Variants in THOC2 observed in about 807,000 individuals in gnomAD.
THOC2 encodes the protein THO complex 2.
A neutral mutation model predicts 128.4 loss-of-function variants in THOC2; 10 were observed. The ratio of observed to expected loss-of-function variants is 0.08; its 90% CI spans 0.05 to 0.13. THOC2 has a LOEUF of 0.13. Ranked by LOEUF, THOC2 falls within the 10% of genes least tolerant of loss-of-function variation. The probability of loss-of-function intolerance (pLI) is 1.00; values close to 1 mark genes in which losing one functional copy is unlikely to be tolerated. For missense variants in THOC2, 535 were observed against 1,155.7 expected, an observed-to-expected ratio of 0.46 and a Z score of 7.79; for synonymous variants, 393 against 396.9, an observed-to-expected ratio of 0.99 and a Z score of 0.12.
chrX:123,691,000 T>A (rs2050199077), intron 7 of THOC2, among the ~76,000 whole-genome samples: 1 of 111,777 alleles, frequency 8.9e-6, no homozygotes, highest in Non-Finnish European at 1.9e-5. Context: ...TAGCTTGAGC[T>A]CAGGAGTTCG....
intron 8 of THOC2, among the ~76,000 whole-genome samples, chrX:123,685,385 T>C (rs968611052): frequency 1.8e-5 from 2 of 112,068 alleles, no homozygotes; most frequent in Non-Finnish European, 3.8e-5. Flanking sequence ...TCTGCATGGG[T>C]AAAGAGTCAG....
intron 9 of THOC2, among the ~76,000 whole-genome samples, chrX:123,670,340 T>G: frequency 8.9e-6 from 1 of 112,804 alleles, no homozygotes; most frequent in Admixed American, 9.4e-5. Flanking sequence ...CTGCCTTGGC[T>G]GGGCATGGTG....
intron 8 of THOC2, among the ~76,000 whole-genome samples, chrX:123,680,486 T>C (rs982740547): frequency 9.1e-6 from 1 of 110,096 alleles, no homozygotes; most frequent in African/African-American, 3.3e-5. Context: ...GAGGCCGGCA[T>C]GGATCCTCCG....
rs759541731 is a variant in THOC2 at position 123,655,339 on chromosome X, C to A, written c.1387-9964G>T. ...GGAATGAAGCAGAATCAGACTCCCC[C>A]TCCTGTAATAGCTGACAAAAAAACA... On this transcript the variant is annotated intron_variant, in intron 12 of 38. Transcript: ENST00000245838. 9.8e-5 allele frequency among the ~76,000 whole-genome samples: 11 copies of A among 111,719 alleles called. No individual in the cohort carries two copies. In the South Asian group the frequency reaches 3.7e-3, roughly 38 times the overall value.
chrX:123,629,079 G>A (rs2047371939), intron 22 of THOC2, among the ~76,000 whole-genome samples: 1 of 108,845 alleles, frequency 9.2e-6, no homozygotes, highest in African/African-American at 3.4e-5. Context: ...TACAATGGGA[G>A]GGGCTGCAGA....
At chrX:123,726,512 CA>C (rs567231605) in intron 1 of THOC2, among the ~76,000 whole-genome samples, 920 of 52,566 alleles carry the variant, frequency 0.018, 18 homozygotes, top group African/African-American at 0.045. Context: ...GACCCTGTCT[CA>C]AAAAAAAAAA....
At chrX:123,719,630 C>T (rs1238180830) in intron 1 of THOC2, among the ~76,000 whole-genome samples, 1 of 107,003 alleles carries the variant, frequency 9.3e-6, no homozygotes, top group African/African-American at 3.4e-5. Context: ...AACATATTTC[C>T]AAAATAAAAG....
At chrX:123,706,480 C>A (rs2050933569) in intron 3 of THOC2, among the ~76,000 whole-genome samples, 1 of 108,122 alleles carries the variant, frequency 9.2e-6, no homozygotes, top group Non-Finnish European at 1.9e-5. Context: ...ATTAACTCAT[C>A]ATTTACATTA....
At position 123,620,975 on chromosome X, in the gene THOC2, C is replaced by T; in HGVS notation, c.4217-10G>A. The T allele has an allele frequency of 8.3e-7, 1 of 1,205,033 alleles. No homozygotes were observed. The highest frequency in any genetic ancestry group is 1.7e-5 in the African/African-American group (1 of 57,159). On this transcript the variant is annotated splice_polypyrimidine_tract_variant and intron_variant, in intron 31 of 38. Transcript: ENST00000245838. ...TTGCGGCGTTTTTGTTCTGTTAAGA[C>T]AAAAAGAAATAGTCAGAATAAGGTA...
intron 22 of THOC2, among the ~76,000 whole-genome samples, chrX:123,628,471 T>C (rs2047345590): frequency 1.8e-5 from 2 of 111,612 alleles, no homozygotes; most frequent in Admixed American, 1.9e-4. Flanking sequence ...ATTAAAAAGC[T>C]GGATCAAGAG....
At chrX:123,633,119 G>C (rs2047547678) in intron 20 of THOC2, 79 bp from the exon 21 acceptor site, 1 of 701,156 alleles carries the variant, frequency 1.4e-6, no homozygotes, top group African/African-American at 2.2e-5. Context: ...GAAAAAAGTT[G>C]AGTTAAAATG....
At chrX:123,696,676 A>G in intron 6 of THOC2, 45 bp downstream of exon 6, 1 of 1,155,062 alleles carries the variant, frequency 8.7e-7, no homozygotes, top group Non-Finnish European at 1.2e-6. Flanking sequence ...GAACGAAAAA[A>G]CATACTCAGA....
Position 123,626,609 on chromosome X carries a change from C to T in THOC2, c.2811G>A (p.Lys937=). Reference sequence around the variant, plus strand: ...TCTGTTTCTTTTCTTCTTCAAGAAGCTTGTCCTGAAGGGCAGTACAGCGCT... The same window carrying T: ...TCTGTTTCTTTTCTTCTTCAAGAAGTTTGTCCTGAAGGGCAGTACAGCGCT... The part of the protein sequence containing the change: ...EKERCTALQD[K]LLEEEKKQME... The change falls in exon 24 of 39, where the codon AAG becomes AAA. Residue 937 remains lysine, a synonymous_variant. Coordinates refer to ENST00000245838, the MANE Select transcript of THOC2 (RefSeq NM_001081550.2). 8.3e-7 allele frequency: 1 copy of T among 1,203,780 alleles called. No homozygotes were observed. Among genetic ancestry groups the T allele is most frequent in the Non-Finnish European group, 1.1e-6 (1 of 892,452 alleles).
intron 24 of THOC2, 55 bp downstream of exon 24, chrX:123,626,466 G>A: frequency 9.0e-7 from 1 of 1,106,938 alleles, no homozygotes; most frequent in Non-Finnish European, 1.2e-6. Flanking sequence ...AAGTTATAAT[G>A]TTTTGTTTTC....
In THOC2 at chrX:123,647,522, A is replaced by T. The variant is rs148254538; in HGVS notation, c.1387-2147T>A. Among the ~76,000 whole-genome samples, 1,066 of 111,256 alleles carry T rather than the reference A, an allele frequency of 9.6e-3. 6 individuals carry two copies. Among genetic ancestry groups the T allele is most frequent in the Middle Eastern group, 0.028 (6 of 217 alleles). On this transcript the variant is annotated intron_variant, in intron 12 of 38. Coordinates refer to ENST00000245838, the MANE Select transcript of THOC2 (RefSeq NM_001081550.2). Reference sequence around the variant, plus strand: ...TTCAAATATGAACAGGACAGAGTACAGGCACCTCTTGAAGATCAAAAACTG... The same window carrying T: ...TTCAAATATGAACAGGACAGAGTACTGGCACCTCTTGAAGATCAAAAACTG...
intron 9 of THOC2, among the ~76,000 whole-genome samples, chrX:123,669,295 G>C (rs2049168219): frequency 9.1e-6 from 1 of 109,329 alleles, no homozygotes; most frequent in Non-Finnish European, 1.9e-5. Context: ...TTATACACCT[G>C]GCACAGGTCC....
chrX:123,617,166 T>C (rs1267836570), intron 33 of THOC2, among the ~76,000 whole-genome samples: 2 of 110,917 alleles, frequency 1.8e-5, no homozygotes, highest in African/African-American at 3.3e-5. Context: ...TCAGCTACTA[T>C]GCAAACCAGT....
intron 12 of THOC2, among the ~76,000 whole-genome samples, chrX:123,655,227 A>T (rs924786097): frequency 7.1e-5 from 8 of 111,927 alleles, no homozygotes; most frequent in Admixed American, 6.7e-4. Flanking sequence ...AAACCTTCGC[A>T]TTTATTTCTT....
At chrX:123,667,006 A>G in intron 11 of THOC2, 100 bp downstream of exon 11, 2 of 589,814 alleles carry the variant, frequency 3.4e-6, no homozygotes, top group Non-Finnish European at 5.2e-6. Flanking sequence ...AAAAGGTACT[A>G]AAATATATGC....
Sources: allele counts gnomAD v4.1 joint callset (sites outside exome capture counted in the v4.1 genomes callset), GRCh38; gene constraint gnomAD v4.1.1; transcripts MANE v1.5; gene names NCBI Gene and HGNC (gene_info 2026-07-23, HGNC 2026-07-21).